SORCS3: variants seen among roughly 807,000 people sequenced by gnomAD.
SORCS3 encodes sortilin related VPS10 domain containing receptor 3, also known as VPS10 domain-containing receptor SorCS3.
SORCS3 carries 57 observed loss-of-function variants against 146.3 expected under a neutral mutation model. The ratio of observed to expected loss-of-function variants is 0.39; its 90% CI spans 0.31 to 0.49. The LOEUF (loss-of-function observed/expected upper bound fraction) is 0.49, where lower values mean the gene tolerates loss of function less well. Among genes scored for constraint, SORCS3 ranks in the 20% least tolerant of loss-of-function variants. The pLI is 0.92. For missense variants in SORCS3, 1,341 were observed against 1,575.5 expected (o/e 0.85, Z 2.52); for synonymous variants, 653 against 618.5 (o/e 1.06, Z -0.83).
intron 5 of SORCS3, among the ~76,000 whole-genome samples, chr10:105,083,098 T>C (rs942933183): frequency 6.6e-6 from 1 of 152,184 alleles, no homozygotes; most frequent in South Asian, 2.1e-4. Context: ...TTCACATATT[T>C]ATTTTGTCCT....
Position 104,977,472 on chromosome 10 carries a change from G to C in SORCS3, c.933G>C (p.Leu311=), listed in dbSNP as rs149925114. ...LFHPKQEDWV[L]AYSLDQKLYS... Reference sequence around the variant, plus strand: ...ATCCCAAGCAAGAGGACTGGGTGCTGGCCTACAGTTTGGATCAAAAGGTGA... The same window carrying C: ...ATCCCAAGCAAGAGGACTGGGTGCTCGCCTACAGTTTGGATCAAAAGGTGA... Residue 311 remains leucine (L), a synonymous_variant, in exon 4 of 27, where the codon CTG becomes CTC. Coordinates refer to ENST00000369701, the MANE Select transcript of SORCS3 (RefSeq NM_014978.3). 5.0e-5 allele frequency: 81 copies of C among 1,610,140 alleles called. No individual in the cohort carries two copies. The highest frequency in any genetic ancestry group is 6.6e-5 in the Non-Finnish European group (78 of 1,178,724).
intron 7 of SORCS3, among the ~76,000 whole-genome samples, chr10:105,108,413 G>A (rs1313397644): frequency 6.6e-6 from 1 of 152,154 alleles, no homozygotes; most frequent in African/African-American, 2.4e-5. Context: ...AGTCGCAGCT[G>A]AGTTGATCTA....
chr10:104,832,211 A>G (rs1185996250), intron 1 of SORCS3, among the ~76,000 whole-genome samples: 1 of 152,208 alleles, frequency 6.6e-6, no homozygotes, highest in African/African-American at 2.4e-5. Context: ...CTTGAAGACA[A>G]TAGGGGCACT....
intron 1 of SORCS3, among the ~76,000 whole-genome samples, chr10:104,728,357 T>A (rs2016666515): frequency 6.6e-6 from 1 of 152,138 alleles, no homozygotes; most frequent in African/African-American, 2.4e-5. Flanking sequence ...GTTCTAAGAT[T>A]TGGGCAGTGG....
chr10:104,909,845 G>T (rs376858021), intron 2 of SORCS3, among the ~76,000 whole-genome samples: 2 of 150,196 alleles, frequency 1.3e-5, no homozygotes, highest in Non-Finnish European at 2.9e-5. Flanking sequence ...GCCTCTCCCC[G>T]AGAAGATCAC....
chr10:104,828,258 A>C (rs142249801), intron 1 of SORCS3, among the ~76,000 whole-genome samples: 48 of 152,132 alleles, frequency 3.2e-4, no homozygotes, highest in African/African-American at 8.0e-4. Flanking sequence ...AAAGTGTGAG[A>C]TGTGTGACTC....
At chr10:104,749,911 G>A (rs958288268) in intron 1 of SORCS3, among the ~76,000 whole-genome samples, 1 of 152,044 alleles carries the variant, frequency 6.6e-6, no homozygotes, top group African/African-American at 2.4e-5. Context: ...TTATATAATA[G>A]ATTCCTTGCA....
At chr10:105,031,571 G>A (rs1376111161) in intron 4 of SORCS3, among the ~76,000 whole-genome samples, 1 of 152,134 alleles carries the variant, frequency 6.6e-6, no homozygotes, top group Non-Finnish European at 1.5e-5. Flanking sequence ...ATCTTCTGCT[G>A]AAACACATCA....
intron 1 of SORCS3, among the ~76,000 whole-genome samples, chr10:104,702,200 C>T (rs1208650868): frequency 1.3e-5 from 2 of 152,212 alleles, no homozygotes; most frequent in Admixed American, 6.5e-5. Flanking sequence ...ACAATGGAAA[C>T]ACACTGTGTT....
chr10:104,763,669 G>A (rs976810295), intron 1 of SORCS3, among the ~76,000 whole-genome samples: 10 of 152,134 alleles, frequency 6.6e-5, no homozygotes, highest in African/African-American at 1.7e-4. Context: ...TGTGGCCAAC[G>A]CTTCTTTAGA....
At chr10:105,252,119 G>C (rs533425257) in intron 22 of SORCS3, among the ~76,000 whole-genome samples, 7 of 151,882 alleles carry the variant, frequency 4.6e-5, no homozygotes, top group Non-Finnish European at 7.4e-5. Context: ...CCTGCATATG[G>C]CTTTTCCTAT....
At chr10:104,915,799 A>T (rs775462488) in intron 2 of SORCS3, 34 bp from the exon 3 acceptor site, 3 of 1,576,576 alleles carry the variant, frequency 1.9e-6, no homozygotes, top group Non-Finnish European at 2.6e-6. Flanking sequence ...TGGTAAAATG[A>T]TCTCTCCCTC....
intron 1 of SORCS3, among the ~76,000 whole-genome samples, chr10:104,796,221 C>T (rs977000077): frequency 2.0e-4 from 31 of 152,232 alleles, no homozygotes; most frequent in Admixed American, 1.3e-4. Flanking sequence ...GAAAGCCTGT[C>T]CATGCTTTAC....
chr10:105,188,039 GA>G (rs1016001782), intron 14 of SORCS3, among the ~76,000 whole-genome samples: 44 of 151,900 alleles, frequency 2.9e-4, no homozygotes, highest in African/African-American at 9.9e-4. Context: ...GTAAAAGAGA[GA>G]AAAAAAATTG....
At chr10:105,007,630 A>G (rs926119301) in intron 4 of SORCS3, among the ~76,000 whole-genome samples, 2 of 152,020 alleles carry the variant, frequency 1.3e-5, no homozygotes, top group African/African-American at 4.8e-5. Context: ...ATAATTGCAG[A>G]CCGTTTTTTC....
intron 19 of SORCS3, among the ~76,000 whole-genome samples, chr10:105,222,804 A>G (rs1214126386): frequency 6.6e-6 from 1 of 152,198 alleles, no homozygotes; most frequent in East Asian, 1.9e-4. Flanking sequence ...TTATCTTCCC[A>G]TTTATTGGCT....
intron 2 of SORCS3, among the ~76,000 whole-genome samples, chr10:104,894,533 T>C (rs1589539744): frequency 6.6e-6 from 1 of 151,976 alleles, no homozygotes; most frequent in African/African-American, 2.4e-5. Context: ...GGTTCAGAAG[T>C]GGAGGAATAT....
rs576080291 is a variant in SORCS3 at position 104,760,997 on chromosome 10, C to A, written c.628-81795C>A. Among the ~76,000 whole-genome samples, 10 of 151,194 alleles carry A rather than the reference C, an allele frequency of 6.6e-5. No homozygotes were observed. In the South Asian group the frequency reaches 1.9e-3, roughly 28 times the overall value. ...ATTTCCATTTGAAATGGTTAAAATTCAAAAACAGATCTGGTGCTTAAGGAT... is the reference window on the plus strand; with the variant it reads ...ATTTCCATTTGAAATGGTTAAAATTAAAAAACAGATCTGGTGCTTAAGGAT... On this transcript the variant is annotated intron_variant, in intron 1 of 26. Coordinates refer to ENST00000369701, the MANE Select transcript of SORCS3 (RefSeq NM_014978.3).
chr10:105,074,592 T>C (rs1564747883), intron 5 of SORCS3, among the ~76,000 whole-genome samples: 2 of 152,216 alleles, frequency 1.3e-5, no homozygotes, highest in Non-Finnish European at 2.9e-5. Flanking sequence ...TAGCTATCGT[T>C]ACATTACCCT....
Sources: gnomAD v4.1 joint callset for allele counts (sites outside exome capture counted in the v4.1 genomes callset) on GRCh38, gnomAD v4.1.1 for gene constraint, MANE v1.5 for transcripts, NCBI Gene and HGNC (gene_info 2026-07-23, HGNC 2026-07-21) for gene names.